The following LARGE1 variants were observed in gnomAD, a reference collection of about 807,000 sequenced individuals.
The protein encoded by LARGE1 is xylosyl- and glucuronyltransferase LARGE1.
Under a neutral mutation model 87.6 loss-of-function variants are expected in LARGE1, and 43 were observed. The observed-to-expected ratio is 0.49, with a 90% CI of 0.38 to 0.63. The LOEUF (loss-of-function observed/expected upper bound fraction) is 0.63. LARGE1 is among the 30% of genes least tolerant of loss of function. LARGE1 has a pLI of 0.00. For synonymous variants in LARGE1, 434 were observed against 394.6 expected (o/e 1.10, Z -1.18); for missense variants, 802 against 1,000.2 (o/e 0.80, Z 2.67).
chr22:33,857,834 C>T (rs145678503), intron 1 of LARGE1, among the ~76,000 whole-genome samples: 23 of 152,222 alleles, frequency 1.5e-4, no homozygotes, highest in Non-Finnish European at 2.8e-4. Context: ...GACAGTGTGG[C>T]GATTCCTCAA....
At chr22:33,896,226 T>C (rs2083982242) in intron 1 of LARGE1, among the ~76,000 whole-genome samples, 1 of 152,226 alleles carries the variant, frequency 6.6e-6, no homozygotes, top group African/African-American at 2.4e-5. Context: ...CTCAGCATCA[T>C]GTCCTCAAAG....
At chr22:33,784,965 A>G (rs2085556873) in intron 1 of LARGE1, among the ~76,000 whole-genome samples, 1 of 151,290 alleles carries the variant, frequency 6.6e-6, no homozygotes, top group Non-Finnish European at 1.5e-5. Flanking sequence ...ACATGGGTAT[A>G]TACATGTGTA....
intron 6 of LARGE1, among the ~76,000 whole-genome samples, chr22:33,502,629 C>A (rs149781979): frequency 1.3e-5 from 2 of 151,850 alleles, no homozygotes; most frequent in East Asian, 3.9e-4. Context: ...AGTGCAGTGG[C>A]GTGATCTCGG....
chr22:33,226,366 C>T (rs1925733455), intron 11 of LARGE1, among the ~76,000 whole-genome samples: 1 of 152,206 alleles, frequency 6.6e-6, no homozygotes, highest in African/African-American at 2.4e-5. Context: ...ACACAGCAAA[C>T]ACAAGGTCTT....
chr22:33,745,842 A>G (rs1408636028), intron 2 of LARGE1, among the ~76,000 whole-genome samples: 1 of 152,154 alleles, frequency 6.6e-6, no homozygotes, highest in African/African-American at 2.4e-5. Flanking sequence ...ATTTCCTAGG[A>G]TCTGTGAGGC....
intron 2 of LARGE1, among the ~76,000 whole-genome samples, chr22:33,755,958 G>T (rs900796592): frequency 6.6e-6 from 1 of 152,232 alleles, no homozygotes; most frequent in African/African-American, 2.4e-5. Context: ...AGGGGAAAAT[G>T]ACATTGAATA....
At chr22:33,412,638 T>C (rs528019479) in intron 7 of LARGE1, among the ~76,000 whole-genome samples, 3 of 152,340 alleles carry the variant, frequency 2.0e-5, no homozygotes, top group African/African-American at 7.2e-5. Context: ...TAAGTTTACA[T>C]AATCTGATTT....
At chr22:33,885,052 T>G (rs972347146) in intron 1 of LARGE1, among the ~76,000 whole-genome samples, 4 of 152,234 alleles carry the variant, frequency 2.6e-5, no homozygotes, top group African/African-American at 9.6e-5. Flanking sequence ...GATAACTCAC[T>G]TCATCCTAAT....
At chr22:33,237,449 T>C (rs1926306700) in intron 11 of LARGE1, among the ~76,000 whole-genome samples, 1 of 149,934 alleles carries the variant, frequency 6.7e-6, no homozygotes, top group Non-Finnish European at 1.5e-5. Flanking sequence ...AAAAAAAGAA[T>C]ATTTAAGGAA....
chr22:33,396,463 C>CAGAGAGAGAGAGAGAGAGAGGG (rs2065745382), intron 7 of LARGE1, among the ~76,000 whole-genome samples: 1 of 104,640 alleles, frequency 9.6e-6, no homozygotes, highest in Non-Finnish European at 1.8e-5. Flanking sequence ...GAGAGAGTGA[C>CAGAGAGAGAGAGAGAGAGAGGG]AGAGAGAGAG....
intron 1 of LARGE1, among the ~76,000 whole-genome samples, chr22:33,804,014 T>C (rs553064876): frequency 6.6e-6 from 1 of 152,288 alleles, no homozygotes; most frequent in African/African-American, 2.4e-5. Flanking sequence ...GTCAGGATTG[T>C]TATGTTAACT....
chr22:33,343,044 A>G (rs183422613), intron 9 of LARGE1, among the ~76,000 whole-genome samples: 4 of 152,344 alleles, frequency 2.6e-5, no homozygotes, highest in Admixed American at 2.0e-4. Context: ...AAAAACTGCA[A>G]TTACTTTTGC....
In LARGE1 at chr22:33,612,741, C is replaced by T. The variant is rs111305443; in HGVS notation, c.492-8183G>A. Reference sequence around the variant, plus strand: ...AGAATGTGTGAGTTCCTAGGAACTGCAAACTTCATTCTCTAAGAGAAACAG... The same window carrying T: ...AGAATGTGTGAGTTCCTAGGAACTGTAAACTTCATTCTCTAAGAGAAACAG... On this transcript the variant is annotated intron_variant, in intron 4 of 14. Coordinates refer to ENST00000397394, the MANE Select transcript of LARGE1 (RefSeq NM_133642.5). Among the ~76,000 whole-genome samples the T allele has an allele frequency of 1.5e-3, 232 of 152,284 alleles. 2 individuals are homozygous for T. Among genetic ancestry groups the T allele is most frequent in the Middle Eastern group, 6.8e-3 (2 of 292 alleles).
At chr22:33,357,653 G>C (rs1941016784) in intron 9 of LARGE1, among the ~76,000 whole-genome samples, 3 of 152,100 alleles carry the variant, frequency 2.0e-5, no homozygotes, top group Admixed American at 2.0e-4. Flanking sequence ...AATTAGCCAG[G>C]CATGGTGGCC....
At chr22:33,275,168 G>T (rs924691060) in intron 14 of LARGE1, among the ~76,000 whole-genome samples, 2 of 152,136 alleles carry the variant, frequency 1.3e-5, no homozygotes, top group Non-Finnish European at 2.9e-5. Context: ...AGCTCACCAA[G>T]AACAAACCTC....
intron 12 of LARGE1, among the ~76,000 whole-genome samples, chr22:33,300,550 C>CT (rs915001001): frequency 4.0e-5 from 6 of 151,524 alleles, no homozygotes; most frequent in African/African-American, 1.2e-4. Flanking sequence ...AATTTTTTTT[C>CT]TTTTTTTTGG....
At chr22:33,895,003 C>G (rs2146855961) in intron 1 of LARGE1, among the ~76,000 whole-genome samples, 1 of 152,066 alleles carries the variant, frequency 6.6e-6, no homozygotes, top group Non-Finnish European at 1.5e-5. Context: ...TAGAGCCACC[C>G]TAGAAAATCT....
chr22:33,297,927 C>T (rs1569026031), intron 12 of LARGE1, among the ~76,000 whole-genome samples: 2 of 141,192 alleles, frequency 1.4e-5, no homozygotes, highest in African/African-American at 5.5e-5. Context: ...TTGCAGTGAG[C>T]TGAGATCACG....
At chr22:33,580,278 G>A (rs932221289) in intron 5 of LARGE1, among the ~76,000 whole-genome samples, 1 of 151,938 alleles carries the variant, frequency 6.6e-6, no homozygotes, top group Non-Finnish European at 1.5e-5. Flanking sequence ...GCTGAGGCAG[G>A]AGAATCGCTT....
Sources: gnomAD v4.1 joint callset for allele counts (sites outside exome capture counted in the v4.1 genomes callset) on GRCh38, gnomAD v4.1.1 for gene constraint, MANE v1.5 for transcripts, NCBI Gene and HGNC (gene_info 2026-07-23, HGNC 2026-07-21) for gene names.